PCDHGA3: variants seen among roughly 807,000 people sequenced by gnomAD.
PCDHGA3 encodes the protein protocadherin gamma-A3.
A neutral mutation model predicts 58.5 loss-of-function variants in PCDHGA3; 40 were observed. The observed-to-expected ratio is 0.68, with a 90% CI of 0.53 to 0.89. PCDHGA3 has a LOEUF of 0.89. Among genes scored for constraint, PCDHGA3 ranks in the 40% least tolerant of loss-of-function variants. PCDHGA3 has a pLI of 0.00. For synonymous variants in PCDHGA3, 530 were observed against 525.7 expected (o/e 1.01, Z -0.11); for missense variants, 1,223 against 1,195.9 (o/e 1.02, Z -0.33).
chr5:141,443,827 G>A (rs1425599112), intron 1 of PCDHGA3, among the ~76,000 whole-genome samples: 1 of 152,054 alleles, frequency 6.6e-6, no homozygotes, highest in African/African-American at 2.4e-5. Context: ...ACATAATTAG[G>A]TAAAATGGGT....
At chr5:141,373,971 C>A in intron 1 of PCDHGA3, 2 of 1,026,814 alleles carry the variant, frequency 1.9e-6, no homozygotes, top group Non-Finnish European at 2.7e-6. Flanking sequence ...AAACGCTTCG[C>A]ATCCGGTCTC....
chr5:141,511,182 C>A lies in PCDHGA3; in HGVS notation c.*9C>A. ...AGAAGGAGAAGAAGTAACATGGAGG[C>A]CAGGCCAAGAGCCACAGGGCGGCCT... is the stretch of plus-strand genomic sequence containing the variant. On this transcript the variant is annotated 3_prime_UTR_variant, in exon 4 of 4. Transcript: ENST00000253812. 6.2e-7 allele frequency: 1 copy of A among 1,614,022 alleles called. No homozygotes were observed. Among genetic ancestry groups the A allele is most frequent in the Non-Finnish European group, 8.5e-7 (1 of 1,179,946 alleles).
intron 1 of PCDHGA3, chr5:141,385,616 A>G: frequency 1.8e-6 from 2 of 1,098,642 alleles, no homozygotes; most frequent in Non-Finnish European, 2.3e-6. Context: ...TATATTTTAT[A>G]CATTGGAATG....
In PCDHGA3 at chr5:141,486,435, A is replaced by G. The variant is rs2099629501; in HGVS notation, c.2425-8372A>G. The G allele has an allele frequency of 6.2e-7, 1 of 1,614,118 alleles. No homozygotes were observed. Among genetic ancestry groups the G allele is most frequent in the Non-Finnish European group, 8.5e-7 (1 of 1,179,960 alleles). ...TTGGATCGAGAGGCCAAATCTAGCT[A>G]TGACATCATGGTCACTGCTTCTGAT... is the stretch of plus-strand genomic sequence containing the variant. On this transcript the variant is annotated intron_variant, in intron 1 of 3. Coordinates refer to ENST00000253812, the MANE Select transcript of PCDHGA3 (RefSeq NM_018916.4). This position sits in a 1 kb window ranked among gnomAD's most constrained non-coding sequence, Gnocchi z 5.0.
chr5:141,370,877 T>C (rs372858299), intron 1 of PCDHGA3: 41 of 1,614,038 alleles, frequency 2.5e-5, no homozygotes, highest in Middle Eastern at 1.6e-4. Flanking sequence ...AAGATCCTGA[T>C]GTAGGTGTCA....
intron 1 of PCDHGA3, chr5:141,405,312 A>G: frequency 1.2e-6 from 2 of 1,614,208 alleles, no homozygotes; most frequent in Non-Finnish European, 8.5e-7. Context: ...AGCTGTGAGA[A>G]AAATGAGCCT....
intron 1 of PCDHGA3, chr5:141,375,976 C>T: frequency 6.2e-7 from 1 of 1,613,390 alleles, no homozygotes; most frequent in South Asian, 1.1e-5. Context: ...CGGCGCGCGC[C>T]CTGCTGGACA....
intron 1 of PCDHGA3, chr5:141,384,779 G>A (rs1252058358): frequency 6.2e-6 from 10 of 1,613,592 alleles, no homozygotes; most frequent in East Asian, 2.2e-5. Context: ...GGCGAGGTGC[G>A]CACGGCTCGG....
chr5:141,384,763 T>C, intron 1 of PCDHGA3: 1 of 1,613,952 alleles, frequency 6.2e-7, no homozygotes. Context: ...GGTTGGGCTG[T>C]ACACGGGCGA....
chr5:141,445,048 A>G (rs1364884310), intron 1 of PCDHGA3, among the ~76,000 whole-genome samples: 4 of 152,234 alleles, frequency 2.6e-5, no homozygotes, highest in Non-Finnish European at 5.9e-5. Flanking sequence ...TTTTCAGTGT[A>G]GAGAGGTCAT....
intron 1 of PCDHGA3, chr5:141,365,860 C>T (rs1422476891): frequency 6.2e-7 from 1 of 1,614,082 alleles, no homozygotes; most frequent in African/African-American, 1.3e-5. Context: ...TTAACTCTGA[C>T]ACCGGTGTCC....
At chr5:141,500,152 A>C (rs1301287171) in intron 2 of PCDHGA3, among the ~76,000 whole-genome samples, 1 of 151,610 alleles carries the variant, frequency 6.6e-6, no homozygotes, top group African/African-American at 2.4e-5. Flanking sequence ...TTCTTTGTGT[A>C]ATCAAAGAAC....
intron 1 of PCDHGA3, among the ~76,000 whole-genome samples, chr5:141,348,510 CAG>C (rs1332702860): frequency 6.6e-6 from 1 of 152,056 alleles, no homozygotes; most frequent in Non-Finnish European, 1.5e-5. Flanking sequence ...TTAGCTGTGT[CAG>C]GGGAAATTTG....
chr5:141,486,161 A>G lies in PCDHGA3; in HGVS notation c.2425-8646A>G. 1 of 1,614,216 alleles carries G rather than the reference A, an allele frequency of 6.2e-7. No individual in the cohort carries two copies. The highest frequency in any genetic ancestry group is 8.5e-7 in the Non-Finnish European group (1 of 1,180,038). ...GGCTCGCGATGGGGGTTCTCCAGCC[A>G]TGGAGCAACATTGCAGCCTTCGAGT... On this transcript the variant is annotated intron_variant, in intron 1 of 3. Coordinates refer to ENST00000253812, the MANE Select transcript of PCDHGA3 (RefSeq NM_018916.4). The surrounding 1 kb of genome is among the most constrained non-coding windows in gnomAD (Gnocchi z 5.0).
At chr5:141,478,042 G>A (rs1358652557) in intron 1 of PCDHGA3, 18 of 1,614,152 alleles carry the variant, frequency 1.1e-5, no homozygotes, top group Non-Finnish European at 1.5e-5. Flanking sequence ...CACCCAGGCA[G>A]ACTCTCACGG....
At chr5:141,478,924 T>C (rs1213046748) in intron 1 of PCDHGA3, 10 of 704,004 alleles carry the variant, frequency 1.4e-5, no homozygotes. Context: ...CTCTAACCAG[T>C]GGCAGCTTCT....
At chr5:141,374,919 A>G in intron 1 of PCDHGA3, 2 of 1,613,932 alleles carry the variant, frequency 1.2e-6, no homozygotes, top group Non-Finnish European at 1.7e-6. Flanking sequence ...GAAGTAACTT[A>G]TTCCTTTGTG....
chr5:141,420,993 C>T (rs956578377), intron 1 of PCDHGA3: 2 of 501,412 alleles, frequency 4.0e-6, no homozygotes, highest in Non-Finnish European at 7.0e-6. Context: ...GGCGCCGCTG[C>T]TCACCAATCA....
intron 1 of PCDHGA3, among the ~76,000 whole-genome samples, chr5:141,452,103 TTTCTC>T (rs1428635203): frequency 1.3e-5 from 2 of 152,186 alleles, no homozygotes; most frequent in African/African-American, 4.8e-5. Context: ...AGAGCTTTCT[TTTCTC>T]TTCTTATTTA....
Sources: gnomAD v4.1 joint callset for allele counts (sites outside exome capture counted in the v4.1 genomes callset) on GRCh38, gnomAD v4.1.1 for gene constraint, Gnocchi (gnomAD v3.1) non-coding constraint, MANE v1.5 for transcripts, NCBI Gene and HGNC (gene_info 2026-07-23, HGNC 2026-07-21) for gene names.